DGKB: variants seen among roughly 807,000 people sequenced by gnomAD.
DGKB encodes 90 kDa diacylglycerol kinase.
DGKB carries 67 observed loss-of-function variants against 114.3 expected under a neutral mutation model. The ratio of observed to expected loss-of-function variants is 0.59; its 90% CI spans 0.48 to 0.72. The LOEUF (loss-of-function observed/expected upper bound fraction) is 0.72, where lower values mean the gene tolerates loss of function less well. DGKB is among the 30% of genes least tolerant of loss of function. The pLI is 0.00. For synonymous variants in DGKB, 398 were observed against 323.1 expected, an observed-to-expected ratio of 1.23 and a Z score of -2.49; for missense variants, 907 against 975.2, an observed-to-expected ratio of 0.93 and a Z score of 0.93.
At chr7:14,894,210 T>C (rs1231090577) in intron 1 of DGKB, among the ~76,000 whole-genome samples, 1 of 151,474 alleles carries the variant, frequency 6.6e-6, no homozygotes, top group Admixed American at 6.6e-5. Context: ...TGTTCAACTT[T>C]ATTTAATATT....
intron 21 of DGKB, among the ~76,000 whole-genome samples, chr7:14,364,751 A>G (rs1424898574): frequency 1.3e-5 from 2 of 152,034 alleles, no homozygotes; most frequent in African/African-American, 4.8e-5. Context: ...ATCATAGGAA[A>G]TGGCTGACTT....
intron 1 of DGKB, among the ~76,000 whole-genome samples, chr7:14,934,429 G>C (rs1282658505): frequency 6.6e-6 from 1 of 152,138 alleles, no homozygotes. Context: ...AATTCTGTGA[G>C]TGCTGGAGTA....
chr7:14,471,688 G>A (rs1781425861), intron 21 of DGKB, among the ~76,000 whole-genome samples: 1 of 151,916 alleles, frequency 6.6e-6, no homozygotes, highest in Non-Finnish European at 1.5e-5. Flanking sequence ...TAATAGTTAT[G>A]TAGAATGAAG....
intron 9 of DGKB, among the ~76,000 whole-genome samples, chr7:14,689,857 T>C (rs1210233975): frequency 6.6e-6 from 1 of 152,208 alleles, no homozygotes; most frequent in Non-Finnish European, 1.5e-5. Context: ...AGGAATTTCA[T>C]CAGAGAACAC....
intron 4 of DGKB, among the ~76,000 whole-genome samples, chr7:14,750,839 T>C (rs1325941994): frequency 2.8e-5 from 4 of 141,684 alleles, no homozygotes; most frequent in Non-Finnish European, 6.0e-5. Context: ...CTCACTCTGT[T>C]GTTGCCCAGG....
intron 1 of DGKB, among the ~76,000 whole-genome samples, chr7:14,857,379 T>C (rs534207373): frequency 3.3e-4 from 50 of 151,930 alleles, no homozygotes; most frequent in Non-Finnish European, 6.0e-4. Flanking sequence ...CTTTCTCTAG[T>C]CAAACTTTCA....
chr7:14,828,650 G>T (rs1562647723), intron 2 of DGKB, among the ~76,000 whole-genome samples: 1 of 152,054 alleles, frequency 6.6e-6, no homozygotes, highest in South Asian at 2.1e-4. Flanking sequence ...TATTGGATTT[G>T]CTTGGGTTCT....
chr7:14,953,166 C>A (rs950610931), intron 1 of DGKB, among the ~76,000 whole-genome samples: 2 of 151,932 alleles, frequency 1.3e-5, no homozygotes, highest in Non-Finnish European at 1.5e-5. Context: ...TTCTTAGATA[C>A]TTTACTAAAA....
At chr7:14,483,679 A>C (rs1453300448) in intron 20 of DGKB, among the ~76,000 whole-genome samples, 1 of 152,146 alleles carries the variant, frequency 6.6e-6, no homozygotes, top group Non-Finnish European at 1.5e-5. Flanking sequence ...GGTGATGAGA[A>C]GATTATCCAG....
intron 12 of DGKB, among the ~76,000 whole-genome samples, chr7:14,676,780 T>G (rs549811137): frequency 2.0e-5 from 3 of 151,942 alleles, no homozygotes; most frequent in Non-Finnish European, 4.4e-5. Flanking sequence ...TCATCAAGAA[T>G]AGAAATGAAC....
At chr7:14,867,753 T>G (rs1212167732) in intron 1 of DGKB, among the ~76,000 whole-genome samples, 1 of 152,202 alleles carries the variant, frequency 6.6e-6, no homozygotes, top group Non-Finnish European at 1.5e-5. Context: ...GAGCGCTCTT[T>G]ATAAATATAC....
chr7:14,407,734 TA>T (rs1824177643), intron 21 of DGKB, among the ~76,000 whole-genome samples: 4 of 152,024 alleles, frequency 2.6e-5, no homozygotes, highest in South Asian at 4.1e-4. Context: ...TAAGACAGAG[TA>T]AATATTTCAA....
At chr7:14,910,467 T>G (rs145709207) in intron 1 of DGKB, among the ~76,000 whole-genome samples, 98 of 152,220 alleles carry the variant, frequency 6.4e-4, no homozygotes, top group African/African-American at 2.3e-3. Context: ...TATGGAAACT[T>G]TTGGTTTTCT....
intron 1 of DGKB, among the ~76,000 whole-genome samples, chr7:14,856,672 T>C (rs1400366546): frequency 6.6e-6 from 1 of 152,116 alleles, no homozygotes; most frequent in African/African-American, 2.4e-5. Context: ...TGTGTATATA[T>C]ATATAAAATT....
intron 22 of DGKB, among the ~76,000 whole-genome samples, chr7:14,343,638 A>T (rs765995826): frequency 4.0e-5 from 6 of 151,584 alleles, no homozygotes; most frequent in Non-Finnish European, 4.4e-5. Context: ...AGGATTCAGG[A>T]TCTCCACCTA....
intron 1 of DGKB, among the ~76,000 whole-genome samples, chr7:14,901,582 T>C (rs1044402016): frequency 2.6e-5 from 4 of 151,124 alleles, no homozygotes; most frequent in Admixed American, 2.0e-4. Context: ...GTGTAATATA[T>C]GCTTTCTGTT....
chr7:14,969,089 G>T (rs36920), intron 1 of DGKB, among the ~76,000 whole-genome samples: 11,475 of 152,208 alleles, frequency 0.075, 596 homozygotes, highest in Middle Eastern at 0.12. Flanking sequence ...AACAATTGCA[G>T]CAACAGATTA....
At chr7:14,754,753 A>G (rs1214949904) in intron 3 of DGKB, among the ~76,000 whole-genome samples, 3 of 152,166 alleles carry the variant, frequency 2.0e-5, no homozygotes, top group Non-Finnish European at 2.9e-5. Flanking sequence ...TTATTTACAC[A>G]AGAGTAGGTG....
At chr7:14,497,863 C>T (rs1159302773) in intron 20 of DGKB, among the ~76,000 whole-genome samples, 1 of 151,846 alleles carries the variant, frequency 6.6e-6, no homozygotes. Flanking sequence ...TTCCACAATA[C>T]CCACTGAATA....
Sources: allele counts gnomAD v4.1 joint callset (sites outside exome capture counted in the v4.1 genomes callset), GRCh38; gene constraint gnomAD v4.1.1; transcripts MANE v1.5; gene names NCBI Gene and HGNC (gene_info 2026-07-23, HGNC 2026-07-21).